Variants in MPI observed in about 807,000 individuals in gnomAD.
The protein encoded by MPI is mannose phosphate isomerase.
A neutral mutation model predicts 40.1 loss-of-function variants in MPI; 33 were observed. The observed-to-expected ratio is 0.82, with a 90% CI of 0.62 to 1.10. The LOEUF is 1.10. MPI is among the 50% of genes least tolerant of loss of function. The pLI is 0.00. For synonymous variants in MPI, 187 were observed against 207.4 expected (o/e 0.90, Z 0.85); for missense variants, 514 against 524.1 (o/e 0.98, Z 0.19).
chr15:74,892,457 G>A (rs2064740990), intron 3 of MPI, among the ~76,000 whole-genome samples: 2 of 152,210 alleles, frequency 1.3e-5, no homozygotes, highest in Non-Finnish European at 1.5e-5. Flanking sequence ...TTGCCCCGGG[G>A]TTGCCCCTGA....
chr15:74,893,469 TGC>T lies in MPI; in HGVS notation c.670+150_670+151del, dbSNP rs1459405880. ...AGATGACCTGTTGGCAACTTAGCAT[TGC>T]TTGCCTAGTCTTTGTGGAGCAGGGC... On this transcript the variant is annotated intron_variant, in intron 5 of 7. Coordinates refer to ENST00000352410, the MANE Select transcript of MPI (RefSeq NM_002435.3). 9 of 802,098 alleles carry T rather than the reference TGC, an allele frequency of 1.1e-5. No individual in the cohort carries two copies. In the African/African-American group the frequency reaches 1.4e-4, roughly 12 times the overall value. 49.7% of individuals were successfully genotyped at this position (802,098 alleles called of 1,614,324 possible).
intron 4 of MPI, 52 bp from the exon 5 acceptor site, chr15:74,893,086 G>A: frequency 6.2e-7 from 1 of 1,606,994 alleles, no homozygotes; most frequent in Non-Finnish European, 8.5e-7. Context: ...CCACTTGTGT[G>A]GGTTCCATCT....
intron 4 of MPI, 56 bp from the exon 5 acceptor site, chr15:74,893,082 G>A: frequency 6.2e-7 from 1 of 1,601,708 alleles, no homozygotes; most frequent in East Asian, 2.2e-5. Context: ...CTCCCCACTT[G>A]TGTGGGTTCC....
chr15:74,897,641 G>T lies in MPI; in HGVS notation c.1183G>T (p.Val395Leu). 6.2e-7 allele frequency: 1 copy of T among 1,614,124 alleles called. No individual in the cohort carries two copies. The change falls in exon 8 of 8, where the codon GTG becomes TTG. Residue 395 changes from valine to leucine, a missense_variant. Val to Leu is a conservative substitution (Grantham distance 32). Transcript: ENST00000352410. ...ACCAATCCCTCTGCAACGTGGTGGC[G>T]TGCTCTTCATTGGGGCCAATGAGAG... ...QTPIPLQRGG[V>L]LFIGANESVS... is the part of the protein sequence containing the mutation.
chr15:74,890,253 G>A (rs1190864195), intron 1 of MPI, 164 bp downstream of exon 1: 1 of 1,071,330 alleles, frequency 9.3e-7, no homozygotes, highest in Admixed American at 2.0e-5. Flanking sequence ...GACCTCCGAG[G>A]GGAGGGGGCC....
chr15:74,892,152 C>T (rs1311628192), intron 3 of MPI, among the ~76,000 whole-genome samples: 1 of 152,170 alleles, frequency 6.6e-6, no homozygotes, highest in Non-Finnish European at 1.5e-5. Flanking sequence ...CGCCACCACA[C>T]CCAGCTAATT....
intron 5 of MPI, among the ~76,000 whole-genome samples, chr15:74,893,937 A>G (rs1196929290): frequency 7.0e-6 from 1 of 143,616 alleles, no homozygotes; most frequent in Admixed American, 6.9e-5. Flanking sequence ...CCCCTTCTCT[A>G]GGTGGCCCAG....
intron 1 of MPI, 164 bp downstream of exon 1, chr15:74,890,253 G>T: frequency 9.3e-7 from 1 of 1,071,448 alleles, no homozygotes; most frequent in Non-Finnish European, 1.4e-6. Context: ...GACCTCCGAG[G>T]GGAGGGGGCC....
rs1206748497 is a variant in MPI, at chr15:74,892,668, C to A, written c.353C>A (p.Ala118Glu). The part of the protein sequence containing the change: ...SIQAHPNKEL[A>E]EKLHLQAPQH... Reference sequence around the variant, plus strand: ...CCCCTGGCCACCCCACAGGAGCTGGCAGAGAAGCTGCACCTCCAGGCTCCG... The same window carrying A: ...CCCCTGGCCACCCCACAGGAGCTGGAAGAGAAGCTGCACCTCCAGGCTCCG... The change falls in exon 4 of 8, where the codon GCA (alanine) becomes GAA (glutamate). Residue 118 changes from alanine to glutamate, a missense_variant. Coordinates refer to ENST00000352410, the MANE Select transcript of MPI (RefSeq NM_002435.3). 6.2e-7 allele frequency: 1 copy of A among 1,614,192 alleles called. No homozygotes were observed. Among genetic ancestry groups the A allele is most frequent in the South Asian group, 1.1e-5 (1 of 91,088 alleles).
intron 5 of MPI, among the ~76,000 whole-genome samples, chr15:74,894,533 T>G (rs538224404): frequency 1.5e-3 from 228 of 149,702 alleles, no homozygotes; most frequent in African/African-American, 5.4e-3. Flanking sequence ...CTACTAAAGA[T>G]ACAAAAATTA....
intron 1 of MPI, 121 bp downstream of exon 1, chr15:74,890,210 C>G: frequency 7.0e-7 from 1 of 1,429,092 alleles, no homozygotes. Flanking sequence ...GGGTGGGTGC[C>G]GGGCAGAGGT....
rs1049522420 is a variant in MPI at position 74,900,783 on chromosome 15, G to A, written c.*3053G>A. 2 of 152,252 alleles carry A rather than the reference G, an allele frequency of 1.3e-5. No homozygotes were observed. Among genetic ancestry groups the A allele is most frequent in the African/African-American group, 4.8e-5 (2 of 41,440 alleles). The allele number at this position is 152,252 out of a possible 1,614,324, so 9.4% of individuals were successfully genotyped here. On this transcript the variant is annotated 3_prime_UTR_variant, in exon 8 of 8. Transcript: ENST00000352410. ...GCCTCTCTTCCCAAGACCCCAAGCT[G>A]GCATGACTCTGGTCTCTGTCCTATC...
Position 74,890,073 on chromosome 15 carries a change from C to T in MPI, c.-1C>T. ...GCTTAATCCTGGTGCAGGGGGCGAG[C>T]ATGGCCGCTCCGCGAGGTGAGCCAT... is the stretch of plus-strand genomic sequence containing the variant. On this transcript the variant is annotated 5_prime_UTR_variant, in exon 1 of 8. Coordinates refer to ENST00000352410, the MANE Select transcript of MPI (RefSeq NM_002435.3). 2 of 1,607,536 alleles carry T rather than the reference C, an allele frequency of 1.2e-6. No homozygotes were observed. The highest frequency in any genetic ancestry group is 1.7e-6 in the Non-Finnish European group (2 of 1,179,974).
Position 74,892,785 on chromosome 15 carries a change from TTG to T in MPI, c.472_473del (p.Val158AsnfsTer8), listed in dbSNP as rs1160782142. 1 of 1,614,240 alleles carries T rather than the reference TTG, an allele frequency of 6.2e-7. No homozygotes were observed. The highest frequency in any genetic ancestry group is 1.3e-5 in the African/African-American group (1 of 75,062). ...TGTGGCTTCCGGCCAGTTGAGGAGA[TTG>T]TAACCTTTCTAAAGAGTAAGTTGGG... On this transcript the variant is annotated frameshift_variant, in exon 4 of 8. Coordinates refer to ENST00000352410, the MANE Select transcript of MPI (RefSeq NM_002435.3). LOFTEE classifies it high-confidence loss of function.
At position 74,896,818 on chromosome 15, in the gene MPI, CCT is replaced by C. The variant is rs1286727317; in HGVS notation, c.845-190_845-189del. 17 of 672,252 alleles carry C rather than the reference CCT, an allele frequency of 2.5e-5. No individual in the cohort carries two copies. The African/African-American group carries it at 2.6e-4, about 10-fold the overall frequency. 41.6% of individuals were successfully genotyped at this position (672,252 alleles called of 1,614,324 possible). ...AACCCCCAGGGGTTAACATGACTCC[CCT>C]CTGACAATAATGGGTGACCTGTCAC... is the stretch of plus-strand genomic sequence containing the variant. On this transcript the variant is annotated intron_variant, in intron 6 of 7. Coordinates refer to ENST00000352410, the MANE Select transcript of MPI (RefSeq NM_002435.3).
At chr15:74,890,147 C>G in intron 1 of MPI, 58 bp downstream of exon 1, 1 of 1,602,030 alleles carries the variant, frequency 6.2e-7, no homozygotes, top group Non-Finnish European at 8.5e-7. Flanking sequence ...CTGGGGACGA[C>G]TCCCGGCATT....
Position 74,900,611 on chromosome 15 carries a change from A to G in MPI, c.*2881A>G, listed in dbSNP as rs1229947996. 3 of 152,230 alleles carry G rather than the reference A, an allele frequency of 2.0e-5. No individual in the cohort carries two copies. Among genetic ancestry groups the G allele is most frequent in the Non-Finnish European group, 4.4e-5 (3 of 68,064 alleles). 9.4% of individuals were successfully genotyped at this position (152,230 alleles called of 1,614,324 possible). A position where few individuals can be genotyped will look rare whatever the true frequency, so the allele number is the denominator to read the frequency against. On this transcript the variant is annotated 3_prime_UTR_variant, in exon 8 of 8. Coordinates refer to ENST00000352410, the MANE Select transcript of MPI (RefSeq NM_002435.3). ...TGTGCACTTCACCTCTGCAGACACA[A>G]GAAAGGCCTGGACATGGTCTCTGCA...
chr15:74,890,848 C>G, intron 2 of MPI, 194 bp downstream of exon 2: 1 of 723,792 alleles, frequency 1.4e-6, no homozygotes, highest in South Asian at 1.6e-5. Context: ...GGATTTCCAG[C>G]ACTCTCCTTC....
At chr15:74,895,282 A>G (rs1212339295) in intron 5 of MPI, among the ~76,000 whole-genome samples, 1 of 150,834 alleles carries the variant, frequency 6.6e-6, no homozygotes, top group East Asian at 2.1e-4. Flanking sequence ...GCTGAGACAC[A>G]GAACTTTCAG....
Sources: gnomAD v4.1 joint callset for allele counts (sites outside exome capture counted in the v4.1 genomes callset) on GRCh38, gnomAD v4.1.1 for gene constraint, MANE v1.5 for transcripts, NCBI Gene and HGNC (gene_info 2026-07-23, HGNC 2026-07-21) for gene names.